Variants in EHF observed in about 807,000 individuals in gnomAD.
The protein encoded by EHF is ETS homologous factor.
In EHF, 14 loss-of-function variants were observed where a neutral mutation model predicts 45.1. The observed-to-expected ratio is 0.31, with a 90% CI of 0.21 to 0.49. The LOEUF is 0.49. Ranked by LOEUF, EHF falls within the 20% of genes least tolerant of loss-of-function variation. EHF has a pLI of 0.99. For missense variants in EHF, 282 were observed against 371.4 expected (o/e 0.76, Z 1.98); for synonymous variants, 136 against 131.8 (o/e 1.03, Z -0.22).
chr11:34,637,029 CAAA>C (rs34992133), intron 1 of EHF, among the ~76,000 whole-genome samples: 25 of 86,878 alleles, frequency 2.9e-4, no homozygotes, highest in African/African-American at 7.2e-4. Flanking sequence ...AACTTCATCT[CAAA>C]AAAAAAAAAA....
At chr11:34,625,417 A>C (rs1852290990) in intron 1 of EHF, among the ~76,000 whole-genome samples, 1 of 152,218 alleles carries the variant, frequency 6.6e-6, no homozygotes, top group African/African-American at 2.4e-5. Context: ...ATGGACATTT[A>C]GGCACTCGTG....
chr11:34,636,669 C>T (rs995065027), intron 1 of EHF, among the ~76,000 whole-genome samples: 1 of 152,212 alleles, frequency 6.6e-6, no homozygotes, highest in Admixed American at 6.5e-5. Flanking sequence ...CACCAAGCCA[C>T]AGTACCAAGA....
chr11:34,633,891 A>T lies in EHF; in HGVS notation c.-3-8737A>T, dbSNP rs190168840. On this transcript the variant is annotated intron_variant, in intron 1 of 8. Coordinates refer to ENST00000257831, the MANE Select transcript of EHF (RefSeq NM_012153.6). ...ACTGATAAAGATCAGCATACTATGT[A>T]TATTTCCAAATGGCTTACAGTCAAT... Among the ~76,000 whole-genome samples, 13 of 152,286 alleles carry T rather than the reference A, an allele frequency of 8.5e-5. 1 individual carries two copies. Among genetic ancestry groups the T allele is most frequent in the Admixed American group, 7.8e-4 (12 of 15,298 alleles).
At chr11:34,626,196 A>G (rs1852360264) in intron 1 of EHF, among the ~76,000 whole-genome samples, 1 of 152,192 alleles carries the variant, frequency 6.6e-6, no homozygotes, top group South Asian at 2.1e-4. Flanking sequence ...AGCACAATAA[A>G]TAATCTTGGG....
chr11:34,630,182 C>A (rs1283647787), intron 1 of EHF, among the ~76,000 whole-genome samples: 1 of 152,216 alleles, frequency 6.6e-6, no homozygotes, highest in Non-Finnish European at 1.5e-5. Flanking sequence ...CAGACATCCT[C>A]CTTCTCTTTA....
chr11:34,643,002 G>A (rs1854161065), intron 2 of EHF, among the ~76,000 whole-genome samples: 1 of 152,068 alleles, frequency 6.6e-6, no homozygotes, highest in Non-Finnish European at 1.5e-5. Context: ...CTAAAGGAAA[G>A]ACTCTCTGTT....
intron 1 of EHF, among the ~76,000 whole-genome samples, chr11:34,637,311 CGAAGCAAGCCTGGA>C (rs1853530955): frequency 6.6e-6 from 1 of 152,118 alleles, no homozygotes; most frequent in African/African-American, 2.4e-5. Context: ...AAGCCCTTGG[CGAAGCAAGCCTGGA>C]GAAGCAGGCG....
Position 34,656,941 on chromosome 11 carries a change from C to G in EHF, c.578C>G (p.Pro193Arg). The G allele has an allele frequency of 1.2e-6, 2 of 1,613,630 alleles. No individual in the cohort carries two copies. Among genetic ancestry groups the G allele is most frequent in the Non-Finnish European group, 1.7e-6 (2 of 1,179,806 alleles). ...CCTGATATGAAAAAGGAGCAAGACCCCCCTGCCAAGTGCCACACCAAAAAG... is the reference window on the plus strand; with the variant it reads ...CCTGATATGAAAAAGGAGCAAGACCGCCCTGCCAAGTGCCACACCAAAAAG... ...ESPDMKKEQDPPAKCHTKKHN... is the reference protein window; with the variant it reads ...ESPDMKKEQDRPAKCHTKKHN... Residue 193 changes from proline to arginine, a missense_variant, in exon 7 of 9, where the codon CCC (proline) becomes CGC (arginine). Pro to Arg is a moderately radical substitution (Grantham distance 103). Around this residue, in one of 3 missense-constraint regions of EHF, gnomAD observed 213 missense variants for 247.3 expected, o/e 0.86. Coordinates refer to ENST00000257831, the MANE Select transcript of EHF (RefSeq NM_012153.6).
intron 1 of EHF, among the ~76,000 whole-genome samples, chr11:34,641,784 T>A (rs1854027861): frequency 6.6e-6 from 1 of 152,114 alleles, no homozygotes; most frequent in African/African-American, 2.4e-5. Flanking sequence ...AAGACAATAT[T>A]TCTGAAGTGT....
At chr11:34,658,497 A>G (rs1002027388) in intron 7 of EHF, 36 bp from the exon 8 acceptor site, 10 of 1,578,662 alleles carry the variant, frequency 6.3e-6, no homozygotes, top group Middle Eastern at 1.7e-4. Flanking sequence ...GCTGTGACTT[A>G]GATCATTAGT....
chr11:34,627,331 T>C (rs933980234), intron 1 of EHF, among the ~76,000 whole-genome samples: 4 of 152,038 alleles, frequency 2.6e-5, no homozygotes, highest in African/African-American at 7.2e-5. Context: ...CTTGGGGTGA[T>C]TGGGTATGCA....
rs1383301165 is a variant in EHF at position 34,631,166 on chromosome 11, G to A, written c.-4+9938G>A. On this transcript the variant is annotated intron_variant, in intron 1 of 8. Coordinates refer to ENST00000257831, the MANE Select transcript of EHF (RefSeq NM_012153.6). Reference sequence around the variant, plus strand: ...CCTGCCTCAGCCTCCCAAGTAGCTGGGACTACAGGCACATGCCACCATGCC... The same window carrying A: ...CCTGCCTCAGCCTCCCAAGTAGCTGAGACTACAGGCACATGCCACCATGCC... Among the ~76,000 whole-genome samples, 9 of 152,090 alleles carry A rather than the reference G, an allele frequency of 5.9e-5. 1 individual carries two copies. The highest frequency in any genetic ancestry group is 5.9e-4 in the Admixed American group (9 of 15,260).
At chr11:34,643,685 C>G (rs1252660049) in intron 2 of EHF, among the ~76,000 whole-genome samples, 1 of 152,190 alleles carries the variant, frequency 6.6e-6, no homozygotes, top group Non-Finnish European at 1.5e-5. Flanking sequence ...GTGAGCTTCC[C>G]TTACTCGGTC....
At chr11:34,630,353 AC>A (rs1440019561) in intron 1 of EHF, among the ~76,000 whole-genome samples, 2 of 152,330 alleles carry the variant, frequency 1.3e-5, no homozygotes, top group East Asian at 3.9e-4. Context: ...TTATATTAGT[AC>A]TAACATTCAG....
At chr11:34,657,625 CA>C (rs35753421) in intron 7 of EHF, among the ~76,000 whole-genome samples, 150,691 of 151,788 alleles carry the variant, frequency 0.99, 74,809 homozygotes, top group Middle Eastern at 1. Flanking sequence ...CCCATCTCTA[CA>C]AAAAAATACA....
rs1856005151 is a variant in EHF, at chr11:34,660,322, TC to T, written c.*1392del. On this transcript the variant is annotated 3_prime_UTR_variant, in exon 9 of 9. Transcript: ENST00000257831. ...AGAAAAGAATTTCCAGGGAAAATCC[TC>T]TTTGCAGGTATTAATTCTTATAATT... is the stretch of plus-strand genomic sequence containing the variant. 1 of 152,198 alleles carries T rather than the reference TC, an allele frequency of 6.6e-6. No individual in the cohort carries two copies. Among genetic ancestry groups the T allele is most frequent in the South Asian group, 2.1e-4 (1 of 4,822 alleles). The allele number at this position is 152,198 out of a possible 1,614,324, so 9.4% of individuals were successfully genotyped here. A position where few individuals can be genotyped will look rare whatever the true frequency, so the allele number is the denominator to read the frequency against.
At chr11:34,626,055 C>G (rs757620560) in intron 1 of EHF, among the ~76,000 whole-genome samples, 1 of 152,230 alleles carries the variant, frequency 6.6e-6, no homozygotes, top group Non-Finnish European at 1.5e-5. Context: ...CTCATTAACC[C>G]TGTCATTTTA....
rs1322486744 is a variant in EHF, at chr11:34,661,848, GCT to G, written c.*2924_*2925del. ...CCCCCCGTATGCCTGAGTTGAAAGG[GCT>G]CTCTCTTATTAGGTTTTCATGGGAA... On this transcript the variant is annotated 3_prime_UTR_variant, in exon 9 of 9. Coordinates refer to ENST00000257831, the MANE Select transcript of EHF (RefSeq NM_012153.6). Among the ~76,000 whole-genome samples the G allele has an allele frequency of 6.6e-6, 1 of 152,162 alleles. No individual in the cohort carries two copies. Among genetic ancestry groups the G allele is most frequent in the East Asian group, 1.9e-4 (1 of 5,180 alleles).
At chr11:34,636,441 G>A (rs540411338) in intron 1 of EHF, among the ~76,000 whole-genome samples, 5 of 152,334 alleles carry the variant, frequency 3.3e-5, no homozygotes, top group South Asian at 4.1e-4. Context: ...GATGTCCCCA[G>A]TGCCAGCCAA....
Sources: gnomAD v4.1 joint callset for allele counts (sites outside exome capture counted in the v4.1 genomes callset) on GRCh38, gnomAD v4.1.1 for gene constraint, gnomAD v4.1.1 regional missense constraint, MANE v1.5 for transcripts, NCBI Gene and HGNC (gene_info 2026-07-23, HGNC 2026-07-21) for gene names.